Variants in FAT2 observed in about 807,000 individuals in gnomAD.
The protein encoded by FAT2 is FAT atypical cadherin 2.
In FAT2, 150 loss-of-function variants were observed where a neutral mutation model predicts 295.3. The ratio of observed to expected loss-of-function variants is 0.51; its 90% CI spans 0.44 to 0.58. The LOEUF (loss-of-function observed/expected upper bound fraction) is 0.58, where lower values mean the gene tolerates loss of function less well. Among genes scored for constraint, FAT2 ranks in the 20% least tolerant of loss-of-function variants. FAT2 has a pLI of 0.00. For missense variants in FAT2, 4,868 were observed against 5,442.7 expected (o/e 0.89, Z 3.32); for synonymous variants, 2,026 against 2,150.3 (o/e 0.94, Z 1.60).
rs1757520347 is a variant in FAT2 at position 151,554,572 on chromosome 5, C to T, written c.3735G>A (p.Lys1245=). ...TCTCTGGAAGGCGGACATTGAAGAGCTTGTGGGAGAATATAGGTGGATTGT... is the reference window on the plus strand; with the variant it reads ...TCTCTGGAAGGCGGACATTGAAGAGTTTGTGGGAGAATATAGGTGGATTGT... ...VNDNPPIFSH[K]LFNVRLPERL... is the part of the protein sequence containing the mutation. The change falls in exon 5 of 24, where the codon AAG becomes AAA. Residue 1245 remains lysine, a synonymous_variant. Coordinates refer to ENST00000261800, the MANE Select transcript of FAT2 (RefSeq NM_001447.3). 1.2e-6 allele frequency: 2 copies of T among 1,614,182 alleles called. No individual in the cohort carries two copies. Among genetic ancestry groups the T allele is most frequent in the East Asian group, 2.2e-5 (1 of 44,880 alleles).
In FAT2 at chr5:151,556,388, C is replaced by T. The variant is rs769855399; in HGVS notation, c.3589G>A (p.Ala1197Thr). Reference sequence around the variant, plus strand: ...TTGTTCTCTCTGTCCAGCTGCTGGGCTGTAGATAGGAGACCTGAGAGAGAG... The same window carrying T: ...TTGTTCTCTCTGTCCAGCTGCTGGGTTGTAGATAGGAGACCTGAGAGAGAG... ...IHPVTGLLST[A>T]QQLDRENKDE... is the part of the protein sequence containing the mutation. Residue 1197 changes from alanine to threonine, a missense_variant, in exon 4 of 24, where the codon GCC (alanine) becomes ACC (threonine). Ala to Thr is a moderately conservative substitution (Grantham distance 58). This residue lies in a region of FAT2 where 3,297 missense variants were observed against 3,669.4 expected (regional missense o/e 0.90). Coordinates refer to ENST00000261800, the MANE Select transcript of FAT2 (RefSeq NM_001447.3). 6.2e-7 allele frequency: 1 copy of T among 1,613,694 alleles called. No individual in the cohort carries two copies. Among genetic ancestry groups the T allele is most frequent in the South Asian group, 1.1e-5 (1 of 91,054 alleles).
chr5:151,584,250 A>G (rs1759080772), intron 1 of FAT2, among the ~76,000 whole-genome samples: 1 of 151,910 alleles, frequency 6.6e-6, no homozygotes, highest in Non-Finnish European at 1.5e-5. Flanking sequence ...CGACACCTCA[A>G]TGATTCCCTT....
At position 151,531,979 on chromosome 5, in the gene FAT2, G is replaced by A; in HGVS notation, c.9428-9C>T. On this transcript the variant is annotated splice_polypyrimidine_tract_variant and intron_variant, in intron 13 of 23. Coordinates refer to ENST00000261800, the MANE Select transcript of FAT2 (RefSeq NM_001447.3). This position sits in a 1 kb window ranked among gnomAD's most constrained non-coding sequence, Gnocchi z 5.7. ...CACCTGGGCATTGGCGCCTGGCAGG[G>A]AGACCAAGGGTGTGATCCACACTGA... The A allele has an allele frequency of 6.2e-7, 1 of 1,613,676 alleles. No homozygotes were observed. The highest frequency in any genetic ancestry group is 1.1e-5 in the South Asian group (1 of 91,040).
rs1761414236 is a variant in FAT2 at position 151,512,696 on chromosome 5, A to G, written c.11464-90T>C. On this transcript the variant is annotated intron_variant, in intron 20 of 23. Transcript: ENST00000261800. The surrounding 1 kb of genome is among the most constrained non-coding windows in gnomAD (Gnocchi z 4.1). ...TGCCAGTTCAAAGAATGTTGTTTGT[A>G]TTTTTATGGGTAGGAGGGGGGTGTT... 2.4e-6 allele frequency: 3 copies of G among 1,234,268 alleles called. No individual in the cohort carries two copies. Among genetic ancestry groups the G allele is most frequent in the Non-Finnish European group, 3.4e-6 (3 of 890,756 alleles). The allele number at this position is 1,234,268 out of a possible 1,614,324, so 76.5% of individuals were successfully genotyped here.
Position 151,542,479 on chromosome 5 carries a change from G to T in FAT2, c.8648C>A (p.Thr2883Asn), listed in dbSNP as rs760539294. 3 of 1,614,100 alleles carry T rather than the reference G, an allele frequency of 1.9e-6. No homozygotes were observed. The highest frequency in any genetic ancestry group is 1.3e-5 in the African/African-American group (1 of 74,930). ...CAGGGCCTGAGAGGATAGCTGGATG[G>T]TCTGTCCGTGGTCATAGGCCACCAC... Reference protein sequence around the residue: ...FHVVAYDHGQTIQLSSQALVQ... With the variant: ...FHVVAYDHGQNIQLSSQALVQ... Residue 2883 changes from threonine (T) to asparagine (N), a missense_variant, in exon 10 of 24, where the codon ACC (threonine) becomes AAC (asparagine). Thr to Asn is a moderately conservative substitution (Grantham distance 65). Around this residue, in one of 5 missense-constraint regions of FAT2, gnomAD observed 3,297 missense variants for 3,669.4 expected, o/e 0.90. Coordinates refer to ENST00000261800, the MANE Select transcript of FAT2 (RefSeq NM_001447.3).
At chr5:151,527,969 A>C (rs528285540) in intron 16 of FAT2, 27 bp downstream of exon 16, 135 of 1,611,530 alleles carry the variant, frequency 8.4e-5, no homozygotes, top group Middle Eastern at 5.5e-4. Context: ...TAATGAGCTC[A>C]GGGTGCGCCC....
At chr5:151,558,556 G>A (rs1039517784) in intron 3 of FAT2, among the ~76,000 whole-genome samples, 2 of 151,668 alleles carry the variant, frequency 1.3e-5, no homozygotes, top group Admixed American at 6.6e-5. Flanking sequence ...AGGTTGCAGT[G>A]AGCCAAGATC....
At chr5:151,509,802 C>G in intron 22 of FAT2, 1 of 539,300 alleles carries the variant, frequency 1.9e-6, no homozygotes, top group Non-Finnish European at 3.3e-6. Context: ...GAAACCATCT[C>G]CCGTTTCTCC....
At chr5:151,518,033 T>G (rs1056593212) in intron 19 of FAT2, among the ~76,000 whole-genome samples, 3 of 151,958 alleles carry the variant, frequency 2.0e-5, no homozygotes, top group African/African-American at 7.3e-5. Context: ...TTTAAACCAT[T>G]AAGAAAGCAA....
chr5:151,565,664 C>CCCCA lies in FAT2; in HGVS notation c.3259+5_3259+8dup. 6.4e-7 allele frequency: 1 copy of CCCCA among 1,567,944 alleles called. No individual in the cohort carries two copies. Among genetic ancestry groups the CCCCA allele is most frequent in the Non-Finnish European group, 8.7e-7 (1 of 1,154,272 alleles). ...GCCCTGGCACCCCACCCTACCCCAC[C>CCCCA]CCCAGTACCTGTATCTTGGTTGATG... On this transcript the variant is annotated intron_variant, in intron 2 of 23. Coordinates refer to ENST00000261800, the MANE Select transcript of FAT2 (RefSeq NM_001447.3).
intron 22 of FAT2, 165 bp downstream of exon 22, chr5:151,509,855 TG>T: frequency 1.4e-6 from 1 of 719,594 alleles, no homozygotes; most frequent in Non-Finnish European, 2.3e-6. Context: ...AACCGGTCCC[TG>T]GTGCCAAAAA....
At chr5:151,561,091 A>G (rs1371113622) in intron 3 of FAT2, among the ~76,000 whole-genome samples, 1 of 152,236 alleles carries the variant, frequency 6.6e-6, no homozygotes, top group Non-Finnish European at 1.5e-5. Context: ...AATGTCGCAA[A>G]AAGGAGTAGG....
chr5:151,525,078 G>A (rs895455210), intron 18 of FAT2, among the ~76,000 whole-genome samples: 17 of 152,136 alleles, frequency 1.1e-4, no homozygotes, highest in Admixed American at 9.8e-4. Flanking sequence ...AAATGGCCTC[G>A]CATGTAGTAG....
rs531953925 is a variant in FAT2, at chr5:151,517,790, C to T, written c.11318-25G>A. 25 of 1,613,284 alleles carry T rather than the reference C, an allele frequency of 1.5e-5. No homozygotes were observed. In the South Asian group the frequency reaches 2.2e-4, roughly 14 times the overall value. ...CCTGAGAAAGCAACCAAAGCTGTCA[C>T]CTCTACTTGAAGTGGTCCCCATTGA... On this transcript the variant is annotated intron_variant, in intron 19 of 23. Coordinates refer to ENST00000261800, the MANE Select transcript of FAT2 (RefSeq NM_001447.3).
intron 1 of FAT2, among the ~76,000 whole-genome samples, chr5:151,576,810 A>G (rs375073329): frequency 2.0e-5 from 3 of 152,238 alleles, no homozygotes; most frequent in African/African-American, 7.2e-5. Flanking sequence ...AAGTTTGCAC[A>G]AGTTTGTTAT....
chr5:151,573,645 T>C (rs1055052527), intron 1 of FAT2, among the ~76,000 whole-genome samples: 1 of 152,142 alleles, frequency 6.6e-6, no homozygotes, highest in Non-Finnish European at 1.5e-5. Context: ...AGAGCAGGAC[T>C]CCATCTCAAA....
chr5:151,507,708 A>C, intron 22 of FAT2, 97 bp from the exon 23 acceptor site: 2 of 1,131,754 alleles, frequency 1.8e-6, no homozygotes, highest in Non-Finnish European at 1.2e-6. Context: ...CTCCCCCCAA[A>C]ACCTACCATC....
At chr5:151,516,718 C>T (rs887499875) in intron 20 of FAT2, among the ~76,000 whole-genome samples, 3 of 152,152 alleles carry the variant, frequency 2.0e-5, no homozygotes, top group African/African-American at 4.8e-5. Context: ...GACCCAAGCA[C>T]CTAGGACAGT....
rs2127579272 is a variant in FAT2, at chr5:151,521,353, A to G, written c.11240T>C (p.Val3747Ala). The stretch of plus-strand genomic sequence containing the variant: ...CCTGGCGGTGCTGTACGTGGGCCCA[A>G]CCTTGGGGTCCAGATGCACTGTGTT... ...CHNTVHLDPK[V>A]GPTYSTARLS... The change falls in exon 19 of 24, where the codon GTT becomes GCT. Residue 3747 changes from valine (V) to alanine (A), a missense_variant. Val to Ala is a moderately conservative substitution (Grantham distance 64). Around this residue, in one of 5 missense-constraint regions of FAT2, gnomAD observed 1,046 missense variants for 1,210.1 expected, o/e 0.86. Transcript: ENST00000261800. The G allele has an allele frequency of 1.2e-6, 2 of 1,614,162 alleles. No homozygotes were observed. Among genetic ancestry groups the G allele is most frequent in the East Asian group, 2.2e-5 (1 of 44,876 alleles).
Sources: allele counts gnomAD v4.1 joint callset (sites outside exome capture counted in the v4.1 genomes callset), GRCh38; gene constraint gnomAD v4.1.1; regional missense constraint gnomAD v4.1.1; non-coding constraint Gnocchi (gnomAD v3.1); transcripts MANE v1.5; gene names NCBI Gene and HGNC (gene_info 2026-07-23, HGNC 2026-07-21).